The following STRADA variants were observed in gnomAD, a reference collection of about 807,000 sequenced individuals.
STRADA encodes the protein STE20-related kinase adapter protein alpha.
In STRADA, 26 loss-of-function variants were observed where a neutral mutation model predicts 55.0. The observed-to-expected ratio is 0.47, with a 90% confidence interval of 0.35 to 0.66. The LOEUF is 0.66. STRADA is among the 30% of genes least tolerant of loss of function. The pLI, the probability that STRADA is intolerant of heterozygous loss-of-function variation, is 0.01. For missense variants in STRADA, 443 were observed against 549.7 expected (o/e 0.81, Z 1.94); for synonymous variants, 197 against 210.9 (o/e 0.93, Z 0.57).
intron 11 of STRADA, 30 bp downstream of exon 11, chr17:63,704,311 C>T (rs962879693): frequency 1.1e-5 from 18 of 1,609,506 alleles, no homozygotes; most frequent in African/African-American, 2.7e-5. Flanking sequence ...TCTGCTCTCC[C>T]GAAGCCCAGG....
chr17:63,735,204 G>A (rs1256201494), intron 1 of STRADA, among the ~76,000 whole-genome samples: 3 of 152,132 alleles, frequency 2.0e-5, no homozygotes, highest in African/African-American at 7.2e-5. Context: ...TATACAAATC[G>A]TAAGAATAAT....
chr17:63,708,438 G>C (rs139858232), intron 8 of STRADA, among the ~76,000 whole-genome samples: 1 of 151,364 alleles, frequency 6.6e-6, no homozygotes, highest in African/African-American at 2.4e-5. Context: ...GACCTCAAGA[G>C]ATCCACCCCT....
chr17:63,729,841 CTT>C (rs1253752753), intron 1 of STRADA, among the ~76,000 whole-genome samples: 12 of 142,896 alleles, frequency 8.4e-5, no homozygotes, highest in Admixed American at 1.4e-4. Context: ...TTTCCTTTTC[CTT>C]TTTTTTTTTT....
chr17:63,727,726 T>A (rs1287138419), intron 2 of STRADA: 1 of 152,224 alleles, frequency 6.6e-6, no homozygotes, highest in Non-Finnish European at 1.5e-5. Context: ...GGTATACTCA[T>A]AATATCTCAT....
intron 1 of STRADA, chr17:63,737,278 T>C (rs1243599775): frequency 1.7e-5 from 1 of 57,704 alleles, no homozygotes. Flanking sequence ...AAAAAAAAAA[T>C]TGAGATAGTT....
chr17:63,720,699 G>C (rs180908754), intron 4 of STRADA, among the ~76,000 whole-genome samples: 265 of 151,026 alleles, frequency 1.8e-3, no homozygotes, highest in Middle Eastern at 6.9e-3. Flanking sequence ...CCGTGAACCC[G>C]GGGAGGCAGA....
chr17:63,704,481 G>A lies in STRADA; in HGVS notation c.960C>T (p.Asn320=), dbSNP rs1327635947. 1.2e-6 allele frequency: 2 copies of A among 1,613,346 alleles called. No individual in the cohort carries two copies. Among genetic ancestry groups the A allele is most frequent in the East Asian group, 2.2e-5 (1 of 44,862 alleles). The change falls in exon 11 of 13, where the codon AAC becomes AAT. Residue 320 remains asparagine (N), a synonymous_variant. Coordinates refer to ENST00000336174, the MANE Select transcript of STRADA (RefSeq NM_001003787.4). The part of the protein sequence containing the change: ...LTMSPSRSVA[N]SGLSDSLTTS... ...TGGTCAGGCTGTCACTCAGGCCAGAGTTGGCCACTGAGCGCGAAGGGCTCA... is the reference window on the plus strand; with the variant it reads ...TGGTCAGGCTGTCACTCAGGCCAGAATTGGCCACTGAGCGCGAAGGGCTCA...
chr17:63,728,934 A>T (rs1357724027), intron 1 of STRADA, among the ~76,000 whole-genome samples: 1 of 133,492 alleles, frequency 7.5e-6, no homozygotes, highest in Non-Finnish European at 1.7e-5. Flanking sequence ...TAGAAAGAGA[A>T]ATTTGTCATT....
chr17:63,725,309 T>G (rs2037570788), intron 3 of STRADA, among the ~76,000 whole-genome samples: 1 of 152,170 alleles, frequency 6.6e-6, no homozygotes. Flanking sequence ...ACCAATGTAC[T>G]CAATCTGATA....
chr17:63,733,550 G>A (rs2038217751), intron 1 of STRADA, among the ~76,000 whole-genome samples: 1 of 152,182 alleles, frequency 6.6e-6, no homozygotes, highest in Admixed American at 6.5e-5. Flanking sequence ...TTTACAGACT[G>A]GGATTCTGCA....
intron 10 of STRADA, chr17:63,706,231 A>G (rs1462400323): frequency 1.3e-5 from 2 of 158,110 alleles, no homozygotes; most frequent in African/African-American, 4.8e-5. Flanking sequence ...GGGGGTTCCA[A>G]AGGTGTCAGC....
At chr17:63,708,908 T>C (rs1169472590) in intron 8 of STRADA, among the ~76,000 whole-genome samples, 1 of 152,244 alleles carries the variant, frequency 6.6e-6, no homozygotes, top group Non-Finnish European at 1.5e-5. Context: ...AAAGTGTACC[T>C]AGGGGTACTG....
intron 5 of STRADA, among the ~76,000 whole-genome samples, 156 bp downstream of exon 5, chr17:63,713,850 T>A (rs1043127): frequency 6.6e-6 from 1 of 151,918 alleles, no homozygotes; most frequent in African/African-American, 2.4e-5. Context: ...ATACTTGGCA[T>A]AAAAAAACAG....
chr17:63,704,491 G>A lies in STRADA; in HGVS notation c.950C>T (p.Ser317Leu), dbSNP rs1374148102. The change falls in exon 11 of 13, where the codon TCA becomes TTA. Residue 317 changes from serine to leucine, a missense_variant. Coordinates refer to ENST00000336174, the MANE Select transcript of STRADA (RefSeq NM_001003787.4). Reference sequence around the variant, plus strand: ...GTCACTCAGGCCAGAGTTGGCCACTGAGCGCGAAGGGCTCATGGTCAGCTC... The same window carrying A: ...GTCACTCAGGCCAGAGTTGGCCACTAAGCGCGAAGGGCTCATGGTCAGCTC... The part of the protein sequence containing the change: ...AEELTMSPSR[S>L]VANSGLSDSL... The A allele has an allele frequency of 9.3e-6, 15 of 1,612,660 alleles. No homozygotes were observed. The highest frequency in any genetic ancestry group is 1.1e-5 in the Non-Finnish European group (13 of 1,179,454).
At chr17:63,710,699 C>T in intron 7 of STRADA, 29 bp downstream of exon 7, 1 of 1,614,112 alleles carries the variant, frequency 6.2e-7, no homozygotes, top group Non-Finnish European at 8.5e-7. Flanking sequence ...CCAATAACCC[C>T]TTTCTACCAA....
intron 2 of STRADA, chr17:63,727,575 G>A (rs1404413235): frequency 6.6e-6 from 1 of 152,120 alleles, no homozygotes; most frequent in Non-Finnish European, 1.5e-5. Context: ...ACTGTGAATT[G>A]GAACTATAGC....
chr17:63,728,504 A>G (rs1039780402), intron 1 of STRADA, 91 bp from the exon 2 acceptor site: 5 of 655,896 alleles, frequency 7.6e-6, no homozygotes, highest in Non-Finnish European at 1.3e-5. Context: ...CAGGTCTACC[A>G]TTCAAAGCAC....
At chr17:63,704,293 G>T in intron 11 of STRADA, 48 bp downstream of exon 11, 1 of 1,605,122 alleles carries the variant, frequency 6.2e-7, no homozygotes. Flanking sequence ...TTACCCTCCT[G>T]AGCACCCTCT....
chr17:63,710,324 T>C (rs7223257), intron 8 of STRADA, 167 bp downstream of exon 8: 419,528 of 1,186,358 alleles, frequency 0.35, 78,181 homozygotes, highest in South Asian at 0.56. Context: ...GCGTGAGCCA[T>C]CGCGCTGGGC....
Sources: gnomAD v4.1 joint callset for allele counts (sites outside exome capture counted in the v4.1 genomes callset) on GRCh38, gnomAD v4.1.1 for gene constraint, MANE v1.5 for transcripts, NCBI Gene and HGNC (gene_info 2026-07-23, HGNC 2026-07-21) for gene names.